The following CTNNBL1 variants were observed in gnomAD, a reference collection of about 807,000 sequenced individuals.
The protein encoded by CTNNBL1 is catenin beta like 1, also known as beta-catenin-like protein 1.
A neutral mutation model predicts 72.7 loss-of-function variants in CTNNBL1; 31 were observed. That is an observed-to-expected ratio of 0.43 (90% CI 0.32 to 0.58). The LOEUF (loss-of-function observed/expected upper bound fraction) is 0.58. Ranked by LOEUF, CTNNBL1 falls within the 20% of genes least tolerant of loss-of-function variation. The pLI, the probability that CTNNBL1 is intolerant of heterozygous loss-of-function variation, is 0.08. For missense variants in CTNNBL1, 534 were observed against 725.1 expected, an observed-to-expected ratio of 0.74 and a Z score of 3.03; for synonymous variants, 240 against 267.3, an observed-to-expected ratio of 0.90 and a Z score of 1.00.
chr20:37,749,800 C>CT (rs1010347820), intron 4 of CTNNBL1: 4 of 152,094 alleles, frequency 2.6e-5, no homozygotes, highest in African/African-American at 9.7e-5. Context: ...TAATGTTGCT[C>CT]TCCCTGCAAC....
intron 7 of CTNNBL1, among the ~76,000 whole-genome samples, chr20:37,775,594 T>C (rs370856235): frequency 8.5e-5 from 13 of 152,210 alleles, no homozygotes; most frequent in African/African-American, 3.1e-4. Context: ...TTTTTTAAAA[T>C]TTGATATTTC....
At chr20:37,790,465 A>G (rs1243400406) in intron 10 of CTNNBL1, among the ~76,000 whole-genome samples, 1 of 152,188 alleles carries the variant, frequency 6.6e-6, no homozygotes, top group Non-Finnish European at 1.5e-5. Flanking sequence ...TTGTGTTCCA[A>G]GCTGCACATG....
chr20:37,768,781 G>GT (rs963890277), intron 7 of CTNNBL1, among the ~76,000 whole-genome samples: 4 of 151,104 alleles, frequency 2.6e-5, no homozygotes, highest in Non-Finnish European at 3.0e-5. Flanking sequence ...TTGTTTTTTT[G>GT]TTTTTTCTTT....
Position 37,777,178 on chromosome 20 carries a change from G to A in CTNNBL1, c.751-167G>A. On this transcript the variant is annotated intron_variant, in intron 7 of 15. Transcript: ENST00000361383. ...TTGTTTCAATCTGTCACTTTACTTG[G>A]TTCTGGTCTCTTGAGAGCAGAGGCA... 3 of 577,250 alleles carry A rather than the reference G, an allele frequency of 5.2e-6. No individual in the cohort carries two copies. In the East Asian group the frequency reaches 8.7e-5, roughly 17 times the overall value. The allele number at this position is 577,250 out of a possible 1,614,324, so 35.8% of individuals were successfully genotyped here.
chr20:37,715,325 A>G (rs1747420848), intron 1 of CTNNBL1, among the ~76,000 whole-genome samples: 1 of 152,240 alleles, frequency 6.6e-6, no homozygotes, highest in Admixed American at 6.5e-5. Context: ...CCTTACTTGT[A>G]GAAATGAAGA....
chr20:37,822,831 A>G (rs979293511), intron 11 of CTNNBL1, among the ~76,000 whole-genome samples: 1 of 152,236 alleles, frequency 6.6e-6, no homozygotes, highest in African/African-American at 2.4e-5. Context: ...GAAAGAGTAT[A>G]TGAAGCACCC....
chr20:37,842,459 C>A (rs769656299), intron 13 of CTNNBL1, 40 bp downstream of exon 13: 1 of 1,452,850 alleles, frequency 6.9e-7, no homozygotes, highest in Non-Finnish European at 9.7e-7. Flanking sequence ...TATTGACTTG[C>A]CCTCCGTTTG....
chr20:37,836,416 A>G (rs1299567286), intron 11 of CTNNBL1, among the ~76,000 whole-genome samples: 1 of 152,154 alleles, frequency 6.6e-6, no homozygotes, highest in Non-Finnish European at 1.5e-5. Flanking sequence ...ATGGCAGTCC[A>G]TTCATACTGA....
chr20:37,839,394 C>G, intron 11 of CTNNBL1, among the ~76,000 whole-genome samples: 1 of 152,182 alleles, frequency 6.6e-6, no homozygotes, highest in Non-Finnish European at 1.5e-5. Flanking sequence ...TTTTCAAGGT[C>G]ATTATTCTTG....
chr20:37,752,339 A>G (rs961823652), intron 4 of CTNNBL1, among the ~76,000 whole-genome samples: 15 of 152,186 alleles, frequency 9.9e-5, no homozygotes, highest in African/African-American at 3.6e-4. Flanking sequence ...CTTTAAAAGG[A>G]GAAAAAGACC....
intron 10 of CTNNBL1, among the ~76,000 whole-genome samples, chr20:37,783,867 A>T (rs1263555017): frequency 1.3e-5 from 2 of 152,218 alleles, no homozygotes; most frequent in Non-Finnish European, 2.9e-5. Context: ...CTATCTATTA[A>T]GTCCATTTAG....
chr20:37,812,937 C>A (rs6512714), intron 11 of CTNNBL1, among the ~76,000 whole-genome samples: 57,527 of 151,648 alleles, frequency 0.38, 11,229 homozygotes, highest in Admixed American at 0.5. Flanking sequence ...CAGCCCCCCC[C>A]AGGAATGTGG....
rs186197521 is a variant in CTNNBL1 at position 37,865,802 on chromosome 20, A to G, written c.1603+5458A>G. 9.7e-4 allele frequency among the ~76,000 whole-genome samples: 148 copies of G among 152,388 alleles called. 3 individuals carry two copies. The highest frequency in any genetic ancestry group is 2.4e-4 in the Non-Finnish European group (16 of 68,044). Reference sequence around the variant, plus strand: ...CTACTGCACAGTGGCTGGTTTGCAGAGAAAATCTTAGAGGATTACTGACTC... The same window carrying G: ...CTACTGCACAGTGGCTGGTTTGCAGGGAAAATCTTAGAGGATTACTGACTC... On this transcript the variant is annotated intron_variant, in intron 15 of 15. Transcript: ENST00000361383.
intron 11 of CTNNBL1, among the ~76,000 whole-genome samples, chr20:37,818,623 T>C (rs903096155): frequency 4.6e-5 from 7 of 152,200 alleles, no homozygotes; most frequent in Non-Finnish European, 8.8e-5. Flanking sequence ...CCTAAATGGG[T>C]TGGATCATAA....
chr20:37,717,972 T>G (rs1252746299), intron 1 of CTNNBL1, among the ~76,000 whole-genome samples: 2 of 152,174 alleles, frequency 1.3e-5, no homozygotes, highest in African/African-American at 4.8e-5. Context: ...TTTTTCTTAG[T>G]ACAGAACAAA....
At chr20:37,730,327 A>T (rs892819811) in intron 1 of CTNNBL1, among the ~76,000 whole-genome samples, 2 of 152,244 alleles carry the variant, frequency 1.3e-5, no homozygotes, top group African/African-American at 4.8e-5. Flanking sequence ...AAGAAATCTC[A>T]TTGAAGAATC....
At chr20:37,755,700 T>C (rs976224176) in intron 4 of CTNNBL1, among the ~76,000 whole-genome samples, 2 of 152,258 alleles carry the variant, frequency 1.3e-5, no homozygotes, top group African/African-American at 4.8e-5. Flanking sequence ...ATTCTTGTTC[T>C]TATATTCTGC....
chr20:37,827,616 A>G (rs1347153427), intron 11 of CTNNBL1, among the ~76,000 whole-genome samples: 1 of 152,196 alleles, frequency 6.6e-6, no homozygotes, highest in African/African-American at 2.4e-5. Flanking sequence ...TTCTTTCCAG[A>G]AGATCATTAA....
chr20:37,729,239 G>A (rs1010583128), intron 1 of CTNNBL1, among the ~76,000 whole-genome samples: 2 of 152,146 alleles, frequency 1.3e-5, no homozygotes, highest in Non-Finnish European at 2.9e-5. Context: ...ACTTTGAGAA[G>A]GGACCAGGTT....
Sources: gnomAD v4.1 joint callset for allele counts (sites outside exome capture counted in the v4.1 genomes callset) on GRCh38, gnomAD v4.1.1 for gene constraint, MANE v1.5 for transcripts, NCBI Gene and HGNC (gene_info 2026-07-23, HGNC 2026-07-21) for gene names.